The following TAOK3 variants were observed in gnomAD, a reference collection of about 807,000 sequenced individuals.
TAOK3 encodes the protein TAO kinase 3.
In TAOK3, 40 loss-of-function variants were observed where a neutral mutation model predicts 120.4. The ratio of observed to expected loss-of-function variants is 0.33; its 90% CI spans 0.26 to 0.43. The LOEUF (loss-of-function observed/expected upper bound fraction) is 0.43. Ranked by LOEUF, TAOK3 falls within the 20% of genes least tolerant of loss-of-function variation. The probability of loss-of-function intolerance (pLI) is 1.00; values close to 1 mark genes in which losing one functional copy is unlikely to be tolerated. For missense variants in TAOK3, 821 were observed against 1,112.1 expected, an observed-to-expected ratio of 0.74 and a Z score of 3.72; for synonymous variants, 355 against 387.5, an observed-to-expected ratio of 0.92 and a Z score of 0.99.
intron 1 of TAOK3, among the ~76,000 whole-genome samples, chr12:118,285,807 G>A (rs2042247735): frequency 6.6e-6 from 1 of 152,186 alleles, no homozygotes; most frequent in African/African-American, 2.4e-5. Flanking sequence ...TGTGCCCAAG[G>A]TGGTCAGAGC....
chr12:118,230,531 G>A (rs934698944), intron 9 of TAOK3, among the ~76,000 whole-genome samples: 10 of 133,646 alleles, frequency 7.5e-5, no homozygotes, highest in African/African-American at 2.5e-4. Flanking sequence ...GAGTGCAGTG[G>A]TGCGATCTCT....
intron 1 of TAOK3, among the ~76,000 whole-genome samples, chr12:118,329,496 T>C (rs1443196478): frequency 6.6e-6 from 1 of 152,152 alleles, no homozygotes; most frequent in Non-Finnish European, 1.5e-5. Context: ...TTTATTAAAA[T>C]TAATATTAAA....
chr12:118,234,212 A>ATTTTTTTTTTTTTTTTTTTTT lies in TAOK3; in HGVS notation c.552-468_552-448dup, dbSNP rs763473530. On this transcript the variant is annotated intron_variant, in intron 8 of 20. Coordinates refer to ENST00000392533, the MANE Select transcript of TAOK3 (RefSeq NM_016281.4). ...TTAAAGTAATTAAATAAAGCAGGAA[A>ATTTTTTTTTTTTTTTTTTTTT]TTTTTTTTTTTTTTTTTTTTTTTTT... 2.4e-3 allele frequency among the ~76,000 whole-genome samples: 140 copies of ATTTTTTTTTTTTTTTTTTTTT among 58,336 alleles called. 21 individuals carry two copies. Among genetic ancestry groups the ATTTTTTTTTTTTTTTTTTTTT allele is most frequent in the Non-Finnish European group, 3.1e-3 (99 of 32,398 alleles). 38.3% of individuals were successfully genotyped at this position (58,336 alleles called of 152,430 possible).
At chr12:118,286,462 A>G (rs1413550063) in intron 1 of TAOK3, among the ~76,000 whole-genome samples, 2 of 152,182 alleles carry the variant, frequency 1.3e-5, no homozygotes, top group South Asian at 2.1e-4. Flanking sequence ...GCCAACAAAC[A>G]TATGAAAAAA....
intron 1 of TAOK3, among the ~76,000 whole-genome samples, chr12:118,299,000 A>G (rs1490712111): frequency 1.3e-5 from 2 of 152,166 alleles, no homozygotes; most frequent in African/African-American, 4.8e-5. Context: ...AAAGAAAGCC[A>G]TTTGTATTTC....
chr12:118,151,283 GCGCGCGCACACACACACACA>G, intron 20 of TAOK3, 125 bp from the exon 21 acceptor site: 2 of 564,506 alleles, frequency 3.5e-6, no homozygotes, highest in Non-Finnish European at 5.4e-6. Flanking sequence ...TGAAGTGCGC[GCGCGCGCACACACACACACA>G]CACACACACA....
chr12:118,197,788 C>T (rs976323897), intron 13 of TAOK3, among the ~76,000 whole-genome samples: 4 of 148,394 alleles, frequency 2.7e-5, no homozygotes, highest in South Asian at 2.2e-4. Flanking sequence ...CCCAGGTTCA[C>T]GCCATTCTCC....
chr12:118,300,060 G>GT (rs2042823309), intron 1 of TAOK3, among the ~76,000 whole-genome samples: 1 of 152,118 alleles, frequency 6.6e-6, no homozygotes, highest in Non-Finnish European at 1.5e-5. Flanking sequence ...TTTCACGAGG[G>GT]TACCAATTGC....
chr12:118,267,594 G>A (rs2041507769), intron 1 of TAOK3, among the ~76,000 whole-genome samples: 1 of 149,600 alleles, frequency 6.7e-6, no homozygotes, highest in Non-Finnish European at 1.5e-5. Flanking sequence ...ACATTATTAA[G>A]AAAAAAATCC....
At chr12:118,356,295 C>CTTTTTTTTTTTTTTTTTTTTTTTTT (rs949021724) in intron 1 of TAOK3, among the ~76,000 whole-genome samples, 1 of 109,338 alleles carries the variant, frequency 9.1e-6, no homozygotes, top group Non-Finnish European at 1.8e-5. Context: ...TGGTCACTTT[C>CTTTTTTTTTTTTTTTTTTTTTTTTT]TTTTTTTTTT....
chr12:118,159,439 T>G (rs1657195899), intron 19 of TAOK3, among the ~76,000 whole-genome samples: 1 of 151,846 alleles, frequency 6.6e-6, no homozygotes, highest in Non-Finnish European at 1.5e-5. Context: ...GCCTCCTGAG[T>G]AGCTGGGACT....
chr12:118,205,599 T>C (rs1182491536), intron 11 of TAOK3, among the ~76,000 whole-genome samples: 2 of 152,050 alleles, frequency 1.3e-5, no homozygotes, highest in African/African-American at 2.4e-5. Flanking sequence ...ATACTACATG[T>C]CATTCCCCCA....
chr12:118,290,381 A>T (rs2042428009), intron 1 of TAOK3, among the ~76,000 whole-genome samples: 1 of 152,144 alleles, frequency 6.6e-6, no homozygotes, highest in South Asian at 2.1e-4. Context: ...AGCTAACCAG[A>T]ATCTGTTCAA....
intron 1 of TAOK3, among the ~76,000 whole-genome samples, chr12:118,289,465 T>C (rs1253375298): frequency 6.6e-6 from 1 of 152,092 alleles, no homozygotes; most frequent in Non-Finnish European, 1.5e-5. Flanking sequence ...ATTATATTTG[T>C]CTATACCCAA....
chr12:118,256,450 T>G (rs942983819), intron 2 of TAOK3, among the ~76,000 whole-genome samples: 5 of 152,058 alleles, frequency 3.3e-5, no homozygotes, highest in African/African-American at 1.2e-4. Context: ...ACACAAAAAC[T>G]TGTGCACAAA....
chr12:118,232,969 A>G (rs534300825), intron 9 of TAOK3, among the ~76,000 whole-genome samples: 12 of 152,226 alleles, frequency 7.9e-5, no homozygotes, highest in African/African-American at 2.9e-4. Flanking sequence ...TTATTGTGGC[A>G]CTATTCACAA....
At chr12:118,190,003 C>G in intron 13 of TAOK3, 62 bp from the exon 14 acceptor site, 1 of 1,597,102 alleles carries the variant, frequency 6.3e-7, no homozygotes, top group Admixed American at 1.7e-5. Flanking sequence ...CCGGCTGCCT[C>G]TCTCTCACCC....
Position 118,243,396 on chromosome 12 carries a change from T to C in TAOK3, c.294+19A>G, listed in dbSNP as rs1263190718. Reference sequence around the variant, plus strand: ...AAAAAAATGTAATAGTAAAAGATAATAGAGGTCCTTCGACTTACCCAAGCA... The same window carrying C: ...AAAAAAATGTAATAGTAAAAGATAACAGAGGTCCTTCGACTTACCCAAGCA... On this transcript the variant is annotated intron_variant, in intron 5 of 20. Coordinates refer to ENST00000392533, the MANE Select transcript of TAOK3 (RefSeq NM_016281.4). 6.8e-6 allele frequency: 9 copies of C among 1,326,212 alleles called. No homozygotes were observed. Among genetic ancestry groups the C allele is most frequent in the Non-Finnish European group, 8.5e-6 (8 of 939,108 alleles). The allele number at this position is 1,326,212 out of a possible 1,614,324, so 82.2% of individuals were successfully genotyped here. A position where few individuals can be genotyped will look rare whatever the true frequency, so the allele number is the denominator to read the frequency against.
At chr12:118,270,669 C>CTTTT (rs761296706) in intron 1 of TAOK3, among the ~76,000 whole-genome samples, 28 of 125,952 alleles carry the variant, frequency 2.2e-4, no homozygotes, top group African/African-American at 7.2e-4. Flanking sequence ...CTAAATGTCA[C>CTTTT]TTTTTTTTTT....
Sources: gnomAD v4.1 joint callset for allele counts (sites outside exome capture counted in the v4.1 genomes callset) on GRCh38, gnomAD v4.1.1 for gene constraint, MANE v1.5 for transcripts, NCBI Gene and HGNC (gene_info 2026-07-23, HGNC 2026-07-21) for gene names.